RCAN2: variants seen among roughly 807,000 people sequenced by gnomAD.
RCAN2 encodes the protein regulator of calcineurin 2.
A neutral mutation model predicts 23.6 loss-of-function variants in RCAN2; 9 were observed. The ratio of observed to expected loss-of-function variants is 0.38; its 90% CI spans 0.23 to 0.67. The LOEUF (loss-of-function observed/expected upper bound fraction) is 0.67, where lower values mean the gene tolerates loss of function less well. Ranked by LOEUF, RCAN2 falls within the 30% of genes least tolerant of loss-of-function variation. The probability of loss-of-function intolerance (pLI) is 0.51; values close to 1 mark genes in which losing one functional copy is unlikely to be tolerated. For synonymous variants in RCAN2, 109 were observed against 115.7 expected, an observed-to-expected ratio of 0.94 and a Z score of 0.37; for missense variants, 273 against 302.3, an observed-to-expected ratio of 0.90 and a Z score of 0.72.
At chr6:46,314,359 C>CAA (rs537111154) in intron 2 of RCAN2, among the ~76,000 whole-genome samples, 21 of 92,180 alleles carry the variant, frequency 2.3e-4, no homozygotes, top group African/African-American at 7.0e-4. Flanking sequence ...GAGACTCTGT[C>CAA]AAAAAAAAAA....
intron 1 of RCAN2, among the ~76,000 whole-genome samples, chr6:46,467,792 T>C (rs958112546): frequency 6.6e-6 from 1 of 152,246 alleles, no homozygotes; most frequent in African/African-American, 2.4e-5. Context: ...ATCCCAAAAT[T>C]TCTGGTGGGT....
chr6:46,346,601 A>G (rs1208997472), intron 2 of RCAN2, among the ~76,000 whole-genome samples: 1 of 152,120 alleles, frequency 6.6e-6, no homozygotes, highest in Non-Finnish European at 1.5e-5. Context: ...TTCTTAAAGG[A>G]ATTAGTGTCA....
chr6:46,416,630 T>C (rs1323197649), intron 2 of RCAN2, among the ~76,000 whole-genome samples: 1 of 151,816 alleles, frequency 6.6e-6, no homozygotes, highest in African/African-American at 2.4e-5. Context: ...TCCTCCCACC[T>C]CAGCCTTCCG....
At chr6:46,305,826 C>T (rs971390310) in intron 2 of RCAN2, among the ~76,000 whole-genome samples, 2 of 151,712 alleles carry the variant, frequency 1.3e-5, no homozygotes, top group Admixed American at 6.6e-5. Context: ...ATTTAACATA[C>T]GAGAAATATA....
At chr6:46,354,205 C>CTCTGTG (rs1382265750) in intron 2 of RCAN2, among the ~76,000 whole-genome samples, 7 of 132,984 alleles carry the variant, frequency 5.3e-5, no homozygotes, top group African/African-American at 2.0e-4. Context: ...TGTTATTTTA[C>CTCTGTG]TGTGTGTGTG....
At chr6:46,350,431 C>T (rs965591402) in intron 2 of RCAN2, among the ~76,000 whole-genome samples, 13 of 152,116 alleles carry the variant, frequency 8.5e-5, no homozygotes, top group Middle Eastern at 3.2e-3. Context: ...TGCTTTATCA[C>T]GAAGGCAGGT....
At chr6:46,285,231 CAT>C (rs1216381684) in intron 2 of RCAN2, among the ~76,000 whole-genome samples, 2 of 152,210 alleles carry the variant, frequency 1.3e-5, no homozygotes, top group African/African-American at 2.4e-5. Context: ...TTAATGATAA[CAT>C]GTGATGCTTA....
chr6:46,357,024 C>G (rs1484657568), intron 2 of RCAN2, among the ~76,000 whole-genome samples: 2 of 152,136 alleles, frequency 1.3e-5, no homozygotes, highest in East Asian at 3.9e-4. Context: ...AAATTTGACC[C>G]TCTCCAGCTG....
At chr6:46,387,506 T>A (rs1765789972) in intron 2 of RCAN2, among the ~76,000 whole-genome samples, 1 of 152,192 alleles carries the variant, frequency 6.6e-6, no homozygotes, top group Non-Finnish European at 1.5e-5. Flanking sequence ...GAAAAAATGC[T>A]CATCACCACT....
chr6:46,481,048 T>A (rs1327134890), intron 1 of RCAN2, among the ~76,000 whole-genome samples: 2 of 152,232 alleles, frequency 1.3e-5, no homozygotes, highest in Non-Finnish European at 2.9e-5. Context: ...TCAGTTCATT[T>A]TACCACTGAC....
At chr6:46,353,854 C>T (rs572091686) in intron 2 of RCAN2, among the ~76,000 whole-genome samples, 1 of 152,300 alleles carries the variant, frequency 6.6e-6, no homozygotes, top group East Asian at 1.9e-4. Context: ...ATTATGCATG[C>T]AAGAAGTATC....
rs577803436 is a variant in RCAN2 at position 46,412,319 on chromosome 6, A to T, written c.225+44433T>A. Among the ~76,000 whole-genome samples, 16 of 152,274 alleles carry T rather than the reference A, an allele frequency of 1.1e-4. No individual in the cohort carries two copies. The East Asian group carries it at 2.9e-3, about 28-fold the overall frequency. The stretch of plus-strand genomic sequence containing the variant: ...TCTAGAGTCTGTTTTGTCCTTATTA[A>T]GTTTGAGAAGAAGTTCCAACTTATA... On this transcript the variant is annotated intron_variant, in intron 2 of 4. Transcript: ENST00000371374.
chr6:46,461,151 G>T (rs978310150), intron 1 of RCAN2, among the ~76,000 whole-genome samples: 2 of 152,116 alleles, frequency 1.3e-5, no homozygotes, highest in African/African-American at 4.8e-5. Context: ...TAACATTTTG[G>T]TATATTTCAT....
rs191955263 is a variant in RCAN2 at position 46,228,331 on chromosome 6, G to T, written c.572-5030C>A. On this transcript the variant is annotated intron_variant, in intron 4 of 4. Transcript: ENST00000371374. ...CTGAATTCTATTCCTGGATATCCTT[G>T]TTAACTTTCTCTCTCGTTGATCTGT... Among the ~76,000 whole-genome samples, 4 of 152,286 alleles carry T rather than the reference G, an allele frequency of 2.6e-5. No homozygotes were observed. In the East Asian group the frequency reaches 7.7e-4, roughly 29 times the overall value.
chr6:46,324,718 A>G (rs1763733667), intron 2 of RCAN2, among the ~76,000 whole-genome samples: 1 of 152,258 alleles, frequency 6.6e-6, no homozygotes, highest in Non-Finnish European at 1.5e-5. Flanking sequence ...TACCTATGAC[A>G]AGTCAACAAC....
chr6:46,400,283 C>G (rs1364674145), intron 2 of RCAN2, among the ~76,000 whole-genome samples: 3 of 152,188 alleles, frequency 2.0e-5, no homozygotes, highest in African/African-American at 7.2e-5. Context: ...AAGCTCATTA[C>G]CAGGTCCCTC....
chr6:46,348,980 C>T (rs890973808), intron 2 of RCAN2, among the ~76,000 whole-genome samples: 1 of 152,204 alleles, frequency 6.6e-6, no homozygotes, highest in Non-Finnish European at 1.5e-5. Flanking sequence ...ACTACATCTA[C>T]ATTACAAAGG....
At chr6:46,428,233 A>T (rs1767088072) in intron 2 of RCAN2, among the ~76,000 whole-genome samples, 1 of 152,194 alleles carries the variant, frequency 6.6e-6, no homozygotes, top group African/African-American at 2.4e-5. Context: ...AGGTAAGTGA[A>T]GATTCACTGG....
At chr6:46,473,373 C>T (rs1055885662) in intron 1 of RCAN2, among the ~76,000 whole-genome samples, 1 of 152,110 alleles carries the variant, frequency 6.6e-6, no homozygotes, top group Non-Finnish European at 1.5e-5. Context: ...ACCCCTATCT[C>T]ATACCTAGCA....
Sources: allele counts gnomAD v4.1 joint callset (sites outside exome capture counted in the v4.1 genomes callset), GRCh38; gene constraint gnomAD v4.1.1; transcripts MANE v1.5; gene names NCBI Gene and HGNC (gene_info 2026-07-23, HGNC 2026-07-21).